The following MED14 variants were observed in gnomAD, a reference collection of about 807,000 sequenced individuals.
MED14 encodes mediator of RNA polymerase II transcription subunit 14.
Under a neutral mutation model 109.0 loss-of-function variants are expected in MED14, and 8 were observed. The observed-to-expected ratio is 0.07, with a 90% CI of 0.04 to 0.13. The LOEUF is 0.13. Among genes scored for constraint, MED14 ranks in the 10% least tolerant of loss-of-function variants. MED14 has a pLI of 1.00. For synonymous variants in MED14, 399 were observed against 408.7 expected, an observed-to-expected ratio of 0.98 and a Z score of 0.29; for missense variants, 711 against 1,142.4, an observed-to-expected ratio of 0.62 and a Z score of 5.44.
At chrX:40,680,718 T>G in intron 20 of MED14, 40 bp downstream of exon 20, 1 of 1,125,163 alleles carries the variant, frequency 8.9e-7, no homozygotes, top group Non-Finnish European at 1.2e-6. Context: ...ACGGCTGGCA[T>G]ACTAAGTCTT....
chrX:40,724,867 C>G (rs1239879414), intron 3 of MED14, among the ~76,000 whole-genome samples: 1 of 110,599 alleles, frequency 9.0e-6, no homozygotes, highest in African/African-American at 3.3e-5. Context: ...ATCAATGAAA[C>G]AAGAAGCTGG....
chrX:40,700,479 TA>T (rs1343513350), intron 12 of MED14, among the ~76,000 whole-genome samples: 1 of 109,012 alleles, frequency 9.2e-6, no homozygotes, highest in Non-Finnish European at 1.9e-5. Flanking sequence ...TAAAAGATTA[TA>T]AAAACAATAG....
intron 22 of MED14, 96 bp downstream of exon 22, chrX:40,675,125 C>A: frequency 3.5e-6 from 3 of 855,566 alleles, no homozygotes. Flanking sequence ...TCAGGCCCAC[C>A]AAGGACCTCC....
At position 40,735,377 on chromosome X, in the gene MED14, G is replaced by A; in HGVS notation, c.36C>T (p.Val12=). ...APVQLENHQL[V]PPGGGGGGSG... ...TGCCCCCGCCGCCGCCTCCGGGCGG[G>A]ACCAGCTGGTGGTTCTCCAGCTGCA... Residue 12 remains valine, a synonymous_variant, in exon 1 of 31, where the codon GTC becomes GTT. Transcript: ENST00000324817. 9.3e-7 allele frequency: 1 copy of A among 1,070,355 alleles called. No homozygotes were observed. Among genetic ancestry groups the A allele is most frequent in the South Asian group, 2.5e-5 (1 of 39,752 alleles). 88.2% of individuals were successfully genotyped at this position (1,070,355 alleles called of 1,213,427 possible).
At chrX:40,677,969 C>A (rs1929968611) in intron 21 of MED14, among the ~76,000 whole-genome samples, 1 of 111,678 alleles carries the variant, frequency 9.0e-6, no homozygotes, top group African/African-American at 3.3e-5. Flanking sequence ...ACCTAGAGTT[C>A]TTTATCTAGC....
chrX:40,714,283 G>A (rs1382167038), intron 4 of MED14, among the ~76,000 whole-genome samples: 1 of 111,695 alleles, frequency 9.0e-6, no homozygotes, highest in Non-Finnish European at 1.9e-5. Context: ...TTTCACATCT[G>A]AAATAGATGT....
In MED14 at chrX:40,735,361, C is replaced by T; in HGVS notation, c.52G>A (p.Gly18Ser). 1.9e-6 allele frequency: 2 copies of T among 1,064,439 alleles called. No homozygotes were observed. The highest frequency in any genetic ancestry group is 7.8e-5 in the East Asian group (2 of 25,543). The allele number at this position is 1,064,439 out of a possible 1,213,427, so 87.7% of individuals were successfully genotyped here. The stretch of plus-strand genomic sequence containing the variant: ...GACGGGGGTCCGCCGCTGCCCCCGC[C>T]GCCGCCTCCGGGCGGGACCAGCTGG... ...NHQLVPPGGG[G>S]GGSGGPPSAP... is the part of the protein sequence containing the mutation. Residue 18 changes from glycine (G) to serine (S), a missense_variant, in exon 1 of 31, where the codon GGC becomes AGC. By Grantham distance (56) the Gly-to-Ser change is moderately conservative. Coordinates refer to ENST00000324817, the MANE Select transcript of MED14 (RefSeq NM_004229.4).
intron 6 of MED14, among the ~76,000 whole-genome samples, chrX:40,712,513 A>G (rs1931371641): frequency 8.9e-6 from 1 of 111,815 alleles, no homozygotes; most frequent in Admixed American, 9.5e-5. Flanking sequence ...AAATTGCTGC[A>G]TGCATTTATT....
chrX:40,662,854 C>G (rs745627151), intron 26 of MED14, 71 bp downstream of exon 26: 27 of 797,367 alleles, frequency 3.4e-5, no homozygotes, highest in Admixed American at 1.4e-4. Flanking sequence ...TAGTTCAGAT[C>G]CTATCCTGCA....
At position 40,653,051 on chromosome X, in the gene MED14, A is replaced by G. The variant is rs760576090; in HGVS notation, c.4292-1172T>C. The stretch of plus-strand genomic sequence containing the variant: ...AAGGAGAAGTATTGTTTTTTAAAAA[A>G]CACATTTTCATTATTGATAGGCAAG... On this transcript the variant is annotated intron_variant, in intron 30 of 30. Coordinates refer to ENST00000324817, the MANE Select transcript of MED14 (RefSeq NM_004229.4). Among the ~76,000 whole-genome samples, 22 of 112,659 alleles carry G rather than the reference A, an allele frequency of 2.0e-4. No homozygotes were observed. The South Asian group carries it at 8.0e-3, about 41-fold the overall frequency.
At chrX:40,667,916 G>A (rs1929562276) in intron 23 of MED14, among the ~76,000 whole-genome samples, 1 of 111,463 alleles carries the variant, frequency 9.0e-6, no homozygotes, top group South Asian at 3.7e-4. Context: ...ATGACTCGAA[G>A]AGCTTCGGCC....
At position 40,704,877 on chromosome X, in the gene MED14, T is replaced by C. The variant is rs113964301; in HGVS notation, c.1286-1308A>G. Among the ~76,000 whole-genome samples the C allele has an allele frequency of 8.5e-3, 951 of 111,535 alleles. 11 individuals are homozygous for C. The highest frequency in any genetic ancestry group is 0.03 in the African/African-American group (904 of 30,624). On this transcript the variant is annotated intron_variant, in intron 10 of 30. Transcript: ENST00000324817. ...CATGATGCTCAAAGGAAATGCTTAA[T>C]GAAGCATTTTGGATTTCGGATTTTC...
chrX:40,686,310 G>A (rs1476155832), intron 16 of MED14, among the ~76,000 whole-genome samples: 3 of 110,467 alleles, frequency 2.7e-5, no homozygotes, highest in Admixed American at 9.7e-5. Context: ...AAAATGCCGA[G>A]AACAAGATAT....
Position 40,659,413 on chromosome X carries a change from C to T in MED14, c.3864+15G>A. On this transcript the variant is annotated intron_variant, in intron 27 of 30. Coordinates refer to ENST00000324817, the MANE Select transcript of MED14 (RefSeq NM_004229.4). ...TCATTAATTATATTCAAATTATGCA[C>T]TATTAAACACATACTCTTGTTTCAA... The T allele has an allele frequency of 8.4e-7, 1 of 1,197,440 alleles. No homozygotes were observed.
chrX:40,654,913 A>T, intron 29 of MED14, 22 bp downstream of exon 29: 2 of 1,201,416 alleles, frequency 1.7e-6, no homozygotes, highest in African/African-American at 3.5e-5. Flanking sequence ...CTGTACATGC[A>T]CACATGCTGG....
In MED14 at chrX:40,651,133, C is replaced by T; in HGVS notation, c.*673G>A. Reference sequence around the variant, plus strand: ...TCTGAAGAAAATATATTAACCTTGACATAAAGAAGATGTTTTTGGTCAAAT... The same window carrying T: ...TCTGAAGAAAATATATTAACCTTGATATAAAGAAGATGTTTTTGGTCAAAT... On this transcript the variant is annotated 3_prime_UTR_variant, in exon 31 of 31. Transcript: ENST00000324817. 2 of 749,589 alleles carry T rather than the reference C, an allele frequency of 2.7e-6. No homozygotes were observed. Among genetic ancestry groups the T allele is most frequent in the South Asian group, 6.8e-5 (1 of 14,727 alleles). The allele number at this position is 749,589 out of a possible 1,213,427, so 61.8% of individuals were successfully genotyped here. A position where few individuals can be genotyped will look rare whatever the true frequency, so the allele number is the denominator to read the frequency against.
intron 1 of MED14, 132 bp from the exon 2 acceptor site, chrX:40,729,477 T>C (rs761670953): frequency 6.3e-5 from 34 of 537,998 alleles, no homozygotes; most frequent in Non-Finnish European, 8.7e-5. Context: ...TACAGGCTCA[T>C]GTAGCTACCT....
At chrX:40,670,918 G>A (rs920132035) in intron 23 of MED14, among the ~76,000 whole-genome samples, 12 of 112,067 alleles carry the variant, frequency 1.1e-4, no homozygotes, top group Admixed American at 1.0e-3. Flanking sequence ...TGATAAGCCC[G>A]AATGCCTTCA....
intron 1 of MED14, among the ~76,000 whole-genome samples, chrX:40,731,237 G>A (rs1406655981): frequency 1.8e-5 from 2 of 109,671 alleles, no homozygotes; most frequent in Non-Finnish European, 3.8e-5. Context: ...GGGAAGGGAG[G>A]TGGACAAGCA....
Sources: gnomAD v4.1 joint callset for allele counts (sites outside exome capture counted in the v4.1 genomes callset) on GRCh38, gnomAD v4.1.1 for gene constraint, MANE v1.5 for transcripts, NCBI Gene and HGNC (gene_info 2026-07-23, HGNC 2026-07-21) for gene names.